Variants in ZNF385D observed in about 807,000 individuals in gnomAD.
ZNF385D encodes the protein zinc finger protein 385D.
Under a neutral mutation model 35.8 loss-of-function variants are expected in ZNF385D, and 15 were observed. The ratio of observed to expected loss-of-function variants is 0.42; its 90% CI spans 0.28 to 0.64. The LOEUF is 0.64. Among genes scored for constraint, ZNF385D ranks in the 30% least tolerant of loss-of-function variants. ZNF385D has a pLI of 0.23. For synonymous variants in ZNF385D, 212 were observed against 186.8 expected (o/e 1.13, Z -1.10); for missense variants, 474 against 494.6 (o/e 0.96, Z 0.39).
At chr3:21,982,850 G>A (rs1576079341) in intron 3 of ZNF385D, among the ~76,000 whole-genome samples, 1 of 121,086 alleles carries the variant, frequency 8.3e-6, no homozygotes, top group Middle Eastern at 4.2e-3. Context: ...ATAATCATGT[G>A]GGTTTTTTTT....
At chr3:21,932,620 G>C (rs549327397) in intron 3 of ZNF385D, among the ~76,000 whole-genome samples, 1 of 151,854 alleles carries the variant, frequency 6.6e-6, no homozygotes, top group East Asian at 1.9e-4. Context: ...ATTGGAGTCA[G>C]GATTATTTTC....
intron 3 of ZNF385D, among the ~76,000 whole-genome samples, chr3:21,760,722 A>G (rs571184909): frequency 1.3e-5 from 2 of 152,320 alleles, no homozygotes; most frequent in South Asian, 2.1e-4. Flanking sequence ...ACAATTCATA[A>G]GAAATCTGGG....
intron 3 of ZNF385D, among the ~76,000 whole-genome samples, chr3:21,925,417 C>T (rs1019222318): frequency 6.6e-6 from 1 of 152,094 alleles, no homozygotes. Flanking sequence ...CAGGTATACA[C>T]AAAAACATGT....
intron 3 of ZNF385D, among the ~76,000 whole-genome samples, chr3:22,081,735 A>G (rs1852564): frequency 0.78 from 118,788 of 152,100 alleles, 47,217 homozygotes; most frequent in Non-Finnish European, 0.84. Flanking sequence ...CAGAGTAGTT[A>G]TGACAAAGAC....
At chr3:22,270,474 C>A (rs1428727584) in intron 2 of ZNF385D, among the ~76,000 whole-genome samples, 1 of 151,964 alleles carries the variant, frequency 6.6e-6, no homozygotes, top group Non-Finnish European at 1.5e-5. Flanking sequence ...TGAAAATTTC[C>A]ATGTGAGCTT....
At chr3:21,805,044 G>A (rs550286225) in intron 3 of ZNF385D, among the ~76,000 whole-genome samples, 29 of 152,208 alleles carry the variant, frequency 1.9e-4, no homozygotes, top group Admixed American at 1.6e-3. Context: ...ATGGTGAGAG[G>A]GGCTTATACC....
At chr3:21,855,602 G>T (rs187321529) in intron 3 of ZNF385D, among the ~76,000 whole-genome samples, 1 of 151,952 alleles carries the variant, frequency 6.6e-6, no homozygotes, top group Non-Finnish European at 1.5e-5. Context: ...AATCAGAAAA[G>T]ATCATCCAAA....
chr3:22,006,177 T>G (rs887566751), intron 3 of ZNF385D, among the ~76,000 whole-genome samples: 15 of 152,110 alleles, frequency 9.9e-5, no homozygotes, highest in African/African-American at 3.4e-4. Flanking sequence ...TGAACACATT[T>G]TAGATAAACC....
chr3:21,765,040 G>A (rs1316713869), intron 3 of ZNF385D, among the ~76,000 whole-genome samples: 3 of 152,142 alleles, frequency 2.0e-5, no homozygotes, highest in Non-Finnish European at 4.4e-5. Context: ...TTGGATATCT[G>A]CAGTGGCCAG....
intron 3 of ZNF385D, among the ~76,000 whole-genome samples, chr3:22,006,871 C>T (rs1029148537): frequency 6.6e-6 from 1 of 151,666 alleles, no homozygotes; most frequent in Admixed American, 6.6e-5. Flanking sequence ...AACAGAGAGA[C>T]ATCAGAAACC....
rs144764163 is a variant in ZNF385D at position 21,721,117 on chromosome 3, C to T, written c.22+29778G>A. 3.8e-3 allele frequency among the ~76,000 whole-genome samples: 573 copies of T among 151,840 alleles called. 1 individual carries two copies. The highest frequency in any genetic ancestry group is 0.021 in the East Asian group (108 of 5,164). ...AAGTTTATTCGAAAACATACTCTTG[C>T]GGTTTATATCCTTAGAAAGGAGCAT... On this transcript the variant is annotated intron_variant, in intron 1 of 7. Coordinates refer to ENST00000281523, the MANE Select transcript of ZNF385D (RefSeq NM_024697.3).
chr3:21,872,565 A>G (rs560606159), intron 3 of ZNF385D, among the ~76,000 whole-genome samples: 9 of 152,140 alleles, frequency 5.9e-5, no homozygotes, highest in African/African-American at 2.2e-4. Context: ...TTTGAATTAG[A>G]TAAGTTTTAT....
intron 5 of ZNF385D, among the ~76,000 whole-genome samples, chr3:21,426,769 A>AT (rs1701045447): frequency 6.6e-6 from 1 of 152,280 alleles, no homozygotes; most frequent in Admixed American, 6.5e-5. Context: ...TGAGGAAAAT[A>AT]TATTGTGAAG....
rs531679201 is a variant in ZNF385D, at chr3:21,687,369, A to G, written c.23-22341T>C. Among the ~76,000 whole-genome samples the G allele has an allele frequency of 3.9e-5, 6 of 152,326 alleles. No individual in the cohort carries two copies. In the South Asian group the frequency reaches 8.3e-4, roughly 21 times the overall value. On this transcript the variant is annotated intron_variant, in intron 1 of 7. Coordinates refer to ENST00000281523, the MANE Select transcript of ZNF385D (RefSeq NM_024697.3). Reference sequence around the variant, plus strand: ...GTTCGTTTGTTAAGTAGCAATAGACAATAAAACGAATATGTATAACTCATA... The same window carrying G: ...GTTCGTTTGTTAAGTAGCAATAGACGATAAAACGAATATGTATAACTCATA...
chr3:21,702,899 C>T (rs572047654), intron 1 of ZNF385D, among the ~76,000 whole-genome samples: 2 of 152,280 alleles, frequency 1.3e-5, no homozygotes, highest in South Asian at 4.1e-4. Flanking sequence ...GTTCATATCA[C>T]TATAAGCAAT....
chr3:21,633,097 T>C (rs1294790662), intron 2 of ZNF385D, among the ~76,000 whole-genome samples: 1 of 152,074 alleles, frequency 6.6e-6, no homozygotes. Context: ...CAGAAAAAAT[T>C]ATCATTTTTT....
At chr3:22,116,243 A>T (rs906463392) in intron 3 of ZNF385D, among the ~76,000 whole-genome samples, 4 of 152,058 alleles carry the variant, frequency 2.6e-5, no homozygotes, top group African/African-American at 9.7e-5. Context: ...TCTATTTTAT[A>T]TAGATTTCCC....
chr3:21,691,726 C>T (rs1287892057), intron 1 of ZNF385D, among the ~76,000 whole-genome samples: 2 of 152,258 alleles, frequency 1.3e-5, no homozygotes, highest in Middle Eastern at 6.8e-3. Context: ...AACATGTTTA[C>T]ATAAAATTTA....
Position 21,826,705 on chromosome 3 carries a change from A to T in ZNF385D, c.326-161677T>A, listed in dbSNP as rs140944244. 1.7e-4 allele frequency among the ~76,000 whole-genome samples: 26 copies of T among 152,214 alleles called. No homozygotes were observed. In the East Asian group the frequency reaches 5.0e-3, roughly 29 times the overall value. ...CTTAAGTTCCAGCATTTTACAAATA[A>T]TTGGAGTCTTCCTGCAGTAATGAAC... On this transcript the variant is annotated intron_variant, in intron 3 of 5. Transcript: ENST00000494108.
Sources: gnomAD v4.1 joint callset for allele counts (sites outside exome capture counted in the v4.1 genomes callset) on GRCh38, gnomAD v4.1.1 for gene constraint, MANE v1.5 for transcripts, NCBI Gene and HGNC (gene_info 2026-07-23, HGNC 2026-07-21) for gene names.